Variants in SLC22A23 observed in about 807,000 individuals in gnomAD.
SLC22A23 encodes the protein ion transporter protein.
SLC22A23 carries 26 observed loss-of-function variants against 61.0 expected under a neutral mutation model. The ratio of observed to expected loss-of-function variants is 0.43; its 90% CI spans 0.31 to 0.59. The LOEUF is 0.59. SLC22A23 is among the 20% of genes least tolerant of loss of function. The pLI, the probability that SLC22A23 is intolerant of heterozygous loss-of-function variation, is 0.11. For synonymous variants in SLC22A23, 430 were observed against 413.9 expected, an observed-to-expected ratio of 1.04 and a Z score of -0.47; for missense variants, 796 against 934.7, an observed-to-expected ratio of 0.85 and a Z score of 1.94.
chr6:3,456,239 C>G lies in SLC22A23; in HGVS notation c.321G>C (p.Ala107=). 6.4e-7 allele frequency: 1 copy of G among 1,551,424 alleles called. No individual in the cohort carries two copies. Among genetic ancestry groups the G allele is most frequent in the South Asian group, 1.2e-5 (1 of 84,054 alleles). The change falls in exon 1 of 10, where the codon GCG becomes GCC. Residue 107 remains alanine (A), a synonymous_variant. Coordinates refer to ENST00000406686, the MANE Select transcript of SLC22A23 (RefSeq NM_015482.2). This position sits in a 1 kb window ranked among gnomAD's most constrained non-coding sequence, Gnocchi z 7.1. ...AGAACTGGCTGAAGCCGATGAACAG[C>G]GCCGGGATCCAGGTGAGCAGCACGA... ...KTLVLLTWIP[A]LFIGFSQFSD...
chr6:3,379,976 T>C (rs187340314), intron 3 of SLC22A23, among the ~76,000 whole-genome samples: 1 of 152,082 alleles, frequency 6.6e-6, no homozygotes, highest in Non-Finnish European at 1.5e-5. Context: ...TGTGTGTGTG[T>C]GCACGTGCGT....
chr6:3,395,955 A>T (rs1196148429), intron 3 of SLC22A23, among the ~76,000 whole-genome samples: 1 of 152,232 alleles, frequency 6.6e-6, no homozygotes, highest in East Asian at 1.9e-4. Flanking sequence ...AAGTTACGAG[A>T]ACTCATGCAA....
chr6:3,289,643 C>T, intron 6 of SLC22A23, 121 bp downstream of exon 6: 6 of 784,014 alleles, frequency 7.7e-6, no homozygotes, highest in Middle Eastern at 3.0e-4. Context: ...TCACTCTTCA[C>T]ACACACACCC....
chr6:3,278,238 G>T lies in SLC22A23; in HGVS notation c.1704-4826C>A, dbSNP rs368244559. ...CAGATTCCCCTGCCTTAGCCACGGA[G>T]GGAGACTGACAGCCACCTCTCATGC... is the stretch of plus-strand genomic sequence containing the variant. On this transcript the variant is annotated intron_variant, in intron 9 of 9. Coordinates refer to ENST00000406686, the MANE Select transcript of SLC22A23 (RefSeq NM_015482.2). Among the ~76,000 whole-genome samples the T allele has an allele frequency of 1.4e-4, 21 of 152,226 alleles. No homozygotes were observed. The East Asian group carries it at 1.9e-3, about 14-fold the overall frequency.
intron 3 of SLC22A23, among the ~76,000 whole-genome samples, chr6:3,408,246 C>T (rs542677400): frequency 6.6e-6 from 1 of 152,322 alleles, no homozygotes; most frequent in South Asian, 2.1e-4. Flanking sequence ...TAAGTACTTT[C>T]TTTGAATGGT....
intron 4 of SLC22A23, among the ~76,000 whole-genome samples, chr6:3,300,859 T>C (rs1293659023): frequency 1.3e-5 from 2 of 152,222 alleles, no homozygotes; most frequent in Non-Finnish European, 2.9e-5. Context: ...TCTGGAAGAC[T>C]TGGGAGCTTC....
At chr6:3,418,822 T>C (rs963147880) in intron 1 of SLC22A23, among the ~76,000 whole-genome samples, 1 of 152,214 alleles carries the variant, frequency 6.6e-6, no homozygotes, top group Admixed American at 6.5e-5. Flanking sequence ...AACACCGCCC[T>C]TGCCATCCTG....
At chr6:3,394,738 G>A (rs1767896214) in intron 3 of SLC22A23, among the ~76,000 whole-genome samples, 1 of 152,152 alleles carries the variant, frequency 6.6e-6, no homozygotes, top group South Asian at 2.1e-4. Flanking sequence ...TCTCCACGTC[G>A]CTCTGAGGCC....
intron 4 of SLC22A23, among the ~76,000 whole-genome samples, chr6:3,310,311 AAGCACCCTGCCTCCCACTCG>A (rs1292782274): frequency 6.2e-4 from 55 of 88,918 alleles, no homozygotes; most frequent in Non-Finnish European, 9.6e-4. Context: ...TCTCCCACTC[AAGCACCCTGCCTCCCACTCG>A]AGCACCCTGT....
At chr6:3,437,165 G>A (rs1259109201) in intron 1 of SLC22A23, among the ~76,000 whole-genome samples, 3 of 151,948 alleles carry the variant, frequency 2.0e-5, no homozygotes, top group Non-Finnish European at 4.4e-5. Context: ...TATAAACGAT[G>A]AACAACAAGA....
intron 1 of SLC22A23, among the ~76,000 whole-genome samples, chr6:3,439,862 G>A (rs1459908232): frequency 6.6e-6 from 1 of 152,162 alleles, no homozygotes; most frequent in East Asian, 1.9e-4. Flanking sequence ...ACTCTGGGCT[G>A]AAAGAAGAGC....
intron 3 of SLC22A23, among the ~76,000 whole-genome samples, chr6:3,408,675 C>A (rs760259189): frequency 6.6e-6 from 1 of 152,232 alleles, no homozygotes; most frequent in Non-Finnish European, 1.5e-5. Flanking sequence ...AATACACCAT[C>A]TTTGCGGTAA....
rs969926543 is a variant in SLC22A23 at position 3,410,919 on chromosome 6, A to G, written c.759-577T>C. Among the ~76,000 whole-genome samples, 2 of 152,234 alleles carry G rather than the reference A, an allele frequency of 1.3e-5. No homozygotes were observed. Among genetic ancestry groups the G allele is most frequent in the Non-Finnish European group, 2.9e-5 (2 of 68,040 alleles). ...AAGGGATCACACACTAAGGTAAGAC[A>G]GCGTGAACTTTAAATGCCCAGTGAC... On this transcript the variant is annotated intron_variant, in intron 2 of 9. Coordinates refer to ENST00000406686, the MANE Select transcript of SLC22A23 (RefSeq NM_015482.2). This position sits in a 1 kb window ranked among gnomAD's most constrained non-coding sequence, Gnocchi z 5.0.
intron 3 of SLC22A23, among the ~76,000 whole-genome samples, chr6:3,399,232 G>T (rs1045308913): frequency 6.6e-6 from 1 of 152,066 alleles, no homozygotes; most frequent in Non-Finnish European, 1.5e-5. Context: ...AGGGGACCAC[G>T]AACTCACATC....
chr6:3,388,122 G>A (rs1767427439), intron 3 of SLC22A23, among the ~76,000 whole-genome samples: 1 of 152,180 alleles, frequency 6.6e-6, no homozygotes, highest in Non-Finnish European at 1.5e-5. Context: ...TAGGGAGAGG[G>A]CAAGCCCGCC....
rs770318383 is a variant in SLC22A23, at chr6:3,305,536, T to A, written c.1083-7318A>T. On this transcript the variant is annotated intron_variant, in intron 4 of 9. Coordinates refer to ENST00000406686, the MANE Select transcript of SLC22A23 (RefSeq NM_015482.2). Reference sequence around the variant, plus strand: ...AGCCTCTGAACAAGCCCAGAGATGGTTGTTTTAGTTTGGATAATGTGCAGC... The same window carrying A: ...AGCCTCTGAACAAGCCCAGAGATGGATGTTTTAGTTTGGATAATGTGCAGC... Among the ~76,000 whole-genome samples the A allele has an allele frequency of 2.0e-5, 3 of 152,238 alleles. No individual in the cohort carries two copies. The East Asian group carries it at 5.8e-4, about 29-fold the overall frequency.
chr6:3,402,210 C>T, intron 3 of SLC22A23, among the ~76,000 whole-genome samples: 1 of 152,204 alleles, frequency 6.6e-6, no homozygotes. Flanking sequence ...ACCACAGCAG[C>T]CTCCCAGCTC....
chr6:3,349,517 TA>T (rs900969892), intron 3 of SLC22A23, among the ~76,000 whole-genome samples: 3 of 152,206 alleles, frequency 2.0e-5, no homozygotes, highest in African/African-American at 7.2e-5. Flanking sequence ...ATTATTATAG[TA>T]CCAAAATATA....
chr6:3,278,278 A>G (rs1418928638), intron 9 of SLC22A23, among the ~76,000 whole-genome samples: 1 of 152,242 alleles, frequency 6.6e-6, no homozygotes, highest in Non-Finnish European at 1.5e-5. Context: ...TGTGACAGGC[A>G]TCAGCACTTC....
Sources: allele counts gnomAD v4.1 joint callset (sites outside exome capture counted in the v4.1 genomes callset), GRCh38; gene constraint gnomAD v4.1.1; non-coding constraint Gnocchi (gnomAD v3.1); transcripts MANE v1.5; gene names NCBI Gene and HGNC (gene_info 2026-07-23, HGNC 2026-07-21).